ZMAT4: variants seen among roughly 807,000 people sequenced by gnomAD.
ZMAT4 encodes the protein zinc finger matrin-type protein 4.
A neutral mutation model predicts 28.7 loss-of-function variants in ZMAT4; 17 were observed. That is an observed-to-expected ratio of 0.59 (90% confidence interval 0.41 to 0.89). The LOEUF (loss-of-function observed/expected upper bound fraction) is 0.89, where lower values mean the gene tolerates loss of function less well. Among genes scored for constraint, ZMAT4 ranks in the 40% least tolerant of loss-of-function variants. ZMAT4 has a pLI of 0.00. For synonymous variants in ZMAT4, 117 were observed against 109.2 expected (o/e 1.07, Z -0.44); for missense variants, 240 against 283.8 (o/e 0.85, Z 1.11).
intron 3 of ZMAT4, among the ~76,000 whole-genome samples, chr8:40,760,231 C>T (rs1302425156): frequency 2.6e-5 from 4 of 152,210 alleles, no homozygotes; most frequent in East Asian, 1.9e-4. Flanking sequence ...TCCTTCTAGC[C>T]GTGCTTTACT....
intron 6 of ZMAT4, among the ~76,000 whole-genome samples, chr8:40,555,454 G>C (rs1047893632): frequency 1.3e-5 from 2 of 152,104 alleles, no homozygotes; most frequent in African/African-American, 4.8e-5. Flanking sequence ...AAAATAGCAG[G>C]TAACATTTAG....
intron 2 of ZMAT4, among the ~76,000 whole-genome samples, chr8:40,796,013 G>T (rs1814580542): frequency 6.6e-6 from 1 of 152,172 alleles, no homozygotes; most frequent in Non-Finnish European, 1.5e-5. Flanking sequence ...TAGCAACTCT[G>T]GTGTGTGAAG....
chr8:40,597,437 C>G (rs140182919), intron 5 of ZMAT4, among the ~76,000 whole-genome samples: 1 of 152,288 alleles, frequency 6.6e-6, no homozygotes, highest in Non-Finnish European at 1.5e-5. Context: ...GCTGCTTCCC[C>G]TGTCTGATCC....
intron 5 of ZMAT4, among the ~76,000 whole-genome samples, chr8:40,621,942 G>C (rs1048026136): frequency 6.6e-6 from 1 of 152,104 alleles, no homozygotes; most frequent in African/African-American, 2.4e-5. Flanking sequence ...TGGGGTGATG[G>C]AATTTATTAA....
chr8:40,582,663 A>C (rs116707051), intron 5 of ZMAT4, among the ~76,000 whole-genome samples: 1 of 152,342 alleles, frequency 6.6e-6, no homozygotes, highest in African/African-American at 2.4e-5. Context: ...ATAATGCACT[A>C]TGCTGGGATA....
At chr8:40,768,345 C>T (rs1813247127) in intron 2 of ZMAT4, among the ~76,000 whole-genome samples, 1 of 152,196 alleles carries the variant, frequency 6.6e-6, no homozygotes, top group African/African-American at 2.4e-5. Flanking sequence ...GACTCATTTT[C>T]TTTGGAATTA....
In ZMAT4 at chr8:40,892,062, G is replaced by A. The variant is rs1009291866; in HGVS notation, c.-5+5621C>T. ...GGAGCTAGGCCACCACGTGTGTGGC[G>A]GTGTGCACTCTCCACTGGGCCACCA... On this transcript the variant is annotated intron_variant, in intron 1 of 6. Transcript: ENST00000297737. 1.8e-4 allele frequency among the ~76,000 whole-genome samples: 28 copies of A among 152,140 alleles called. No homozygotes were observed. In the East Asian group the frequency reaches 2.7e-3, roughly 15 times the overall value.
intron 4 of ZMAT4, among the ~76,000 whole-genome samples, chr8:40,695,286 G>T (rs1032122415): frequency 1.3e-5 from 2 of 152,196 alleles, no homozygotes; most frequent in African/African-American, 4.8e-5. Context: ...CAACAGCTGG[G>T]TTGACACCAA....
chr8:40,688,696 TATATTAAATTTC>T (rs768074992), intron 4 of ZMAT4, among the ~76,000 whole-genome samples: 83 of 152,160 alleles, frequency 5.5e-4, no homozygotes, highest in Non-Finnish European at 9.0e-4. Flanking sequence ...GTGAGGAAAA[TATATTAAATTTC>T]ATATTTCTGT....
At chr8:40,655,568 A>G (rs1341469710) in intron 5 of ZMAT4, among the ~76,000 whole-genome samples, 1 of 151,928 alleles carries the variant, frequency 6.6e-6, no homozygotes, top group Non-Finnish European at 1.5e-5. Flanking sequence ...CTACAATGCT[A>G]CAGTAATCAA....
chr8:40,794,225 T>C (rs913154218), intron 2 of ZMAT4, among the ~76,000 whole-genome samples: 6 of 152,152 alleles, frequency 3.9e-5, no homozygotes, highest in Non-Finnish European at 8.8e-5. Flanking sequence ...TAAGATGCTT[T>C]TAGGAAGAAC....
intron 1 of ZMAT4, among the ~76,000 whole-genome samples, chr8:40,843,876 T>C (rs1053723499): frequency 6.6e-6 from 1 of 152,218 alleles, no homozygotes; most frequent in East Asian, 1.9e-4. Context: ...AATTGGGGCA[T>C]GACTGGAAAA....
intron 3 of ZMAT4, among the ~76,000 whole-genome samples, chr8:40,707,663 T>C (rs1010208327): frequency 6.6e-6 from 1 of 152,202 alleles, no homozygotes; most frequent in Non-Finnish European, 1.5e-5. Context: ...AGTATGTGTA[T>C]GTATGTCTGT....
chr8:40,775,878 C>G (rs7821096), intron 2 of ZMAT4, among the ~76,000 whole-genome samples: 87,363 of 151,880 alleles, frequency 0.58, 26,534 homozygotes, highest in Middle Eastern at 0.71. Flanking sequence ...GGACCGGTGT[C>G]TTTATATGAA....
intron 5 of ZMAT4, among the ~76,000 whole-genome samples, chr8:40,591,511 C>G (rs1368836970): frequency 6.6e-6 from 1 of 152,176 alleles, no homozygotes; most frequent in African/African-American, 2.4e-5. Flanking sequence ...AGTTTGTCCT[C>G]CTGGGCTCCA....
chr8:40,625,226 G>A (rs1180047695), intron 5 of ZMAT4, among the ~76,000 whole-genome samples: 1 of 151,914 alleles, frequency 6.6e-6, no homozygotes, highest in Admixed American at 6.6e-5. Flanking sequence ...ATGAGAGGAA[G>A]AACGGAGGGA....
chr8:40,591,677 T>A (rs1488150315), intron 5 of ZMAT4, among the ~76,000 whole-genome samples: 3 of 152,214 alleles, frequency 2.0e-5, no homozygotes, highest in Non-Finnish European at 4.4e-5. Flanking sequence ...ATCCTTATCA[T>A]AAAGGTCTTA....
At chr8:40,856,881 T>A (rs751617470) in intron 1 of ZMAT4, among the ~76,000 whole-genome samples, 1 of 152,002 alleles carries the variant, frequency 6.6e-6, no homozygotes, top group African/African-American at 2.4e-5. Context: ...AACCCCAGAG[T>A]CTGCCACTGG....
chr8:40,874,115 C>G (rs982049052), intron 1 of ZMAT4, among the ~76,000 whole-genome samples: 5 of 152,192 alleles, frequency 3.3e-5, no homozygotes, highest in African/African-American at 9.7e-5. Context: ...ACTTCCGCCC[C>G]AGACACTACT....
Sources: allele counts gnomAD v4.1 joint callset (sites outside exome capture counted in the v4.1 genomes callset), GRCh38; gene constraint gnomAD v4.1.1; transcripts MANE v1.5; gene names NCBI Gene and HGNC (gene_info 2026-07-23, HGNC 2026-07-21).